Variants in DLGAP2 observed in about 807,000 individuals in gnomAD.
DLGAP2 encodes DLG associated protein 2, also known as disks large-associated protein 2.
A neutral mutation model predicts 100.3 loss-of-function variants in DLGAP2; 26 were observed. The ratio of observed to expected loss-of-function variants is 0.26; its 90% CI spans 0.19 to 0.36. DLGAP2 has a LOEUF of 0.36. DLGAP2 is among the 10% of genes least tolerant of loss of function. The pLI, the probability that DLGAP2 is intolerant of heterozygous loss-of-function variation, is 1.00. For synonymous variants in DLGAP2, 886 were observed against 630.1 expected (o/e 1.41, Z -6.08); for missense variants, 1,858 against 1,453.2 (o/e 1.28, Z -4.53).
chr8:908,685 C>T (rs1798427806), intron 2 of DLGAP2, among the ~76,000 whole-genome samples: 1 of 152,182 alleles, frequency 6.6e-6, no homozygotes, highest in African/African-American at 2.4e-5. Context: ...TGCAAGATTT[C>T]TGATTTATTT....
chr8:1,577,972 A>AC lies in DLGAP2; in HGVS notation c.1442+12079dup, dbSNP rs1254719172. ...AAATCTGCATTAATGTAATCTGATAACGTTTTGTTGGTAAATTACGTAGAC... is the reference window on the plus strand; with the variant it reads ...AAATCTGCATTAATGTAATCTGATAACCGTTTTGTTGGTAAATTACGTAGAC... On this transcript the variant is annotated intron_variant, in intron 6 of 14. Coordinates refer to ENST00000637795, the MANE Select transcript of DLGAP2 (RefSeq NM_001346810.2). 3.3e-5 allele frequency among the ~76,000 whole-genome samples: 5 copies of AC among 152,352 alleles called. No homozygotes were observed. The East Asian group carries it at 9.6e-4, about 29-fold the overall frequency.
At chr8:1,073,064 C>A (rs1803484701) in intron 2 of DLGAP2, among the ~76,000 whole-genome samples, 1 of 152,210 alleles carries the variant, frequency 6.6e-6, no homozygotes, top group Admixed American at 6.5e-5. Context: ...TAGCACCGTG[C>A]TTTACCCAAG....
At chr8:1,637,405 A>G (rs1563272180) in intron 8 of DLGAP2, among the ~76,000 whole-genome samples, 1 of 152,062 alleles carries the variant, frequency 6.6e-6, no homozygotes, top group Admixed American at 6.6e-5. Flanking sequence ...AAATAGGCTC[A>G]GAAACTGTTG....
At chr8:1,411,334 T>C (rs1034868432) in intron 3 of DLGAP2, among the ~76,000 whole-genome samples, 1 of 152,228 alleles carries the variant, frequency 6.6e-6, no homozygotes, top group Non-Finnish European at 1.5e-5. Context: ...AAAAATCTTA[T>C]ATGGTTTTGA....
intron 3 of DLGAP2, among the ~76,000 whole-genome samples, chr8:1,372,219 ACGC>A: frequency 1.2e-5 from 1 of 83,646 alleles, no homozygotes; most frequent in Non-Finnish European, 2.8e-5. Flanking sequence ...CAACGCTGGG[ACGC>A]TGGTCACCGT....
intron 4 of DLGAP2, among the ~76,000 whole-genome samples, chr8:1,544,478 G>T (rs1246586935): frequency 6.6e-6 from 1 of 152,138 alleles, no homozygotes; most frequent in Non-Finnish European, 1.5e-5. Context: ...CCATTATCAT[G>T]TTGGGGAAGT....
At chr8:1,686,152 C>T (rs1799109118) in intron 12 of DLGAP2, among the ~76,000 whole-genome samples, 1 of 152,012 alleles carries the variant, frequency 6.6e-6, no homozygotes, top group African/African-American at 2.4e-5. Flanking sequence ...TCATGTTAGC[C>T]AAGATATGGA....
chr8:1,287,788 T>C (rs1799974151), intron 3 of DLGAP2, among the ~76,000 whole-genome samples: 3 of 109,556 alleles, frequency 2.7e-5, no homozygotes, highest in South Asian at 6.0e-4. Flanking sequence ...TGTCTGTGTG[T>C]ATGTGTGTGT....
intron 4 of DLGAP2, among the ~76,000 whole-genome samples, chr8:1,521,207 C>CA (rs544607128): frequency 2.0e-4 from 16 of 81,620 alleles, no homozygotes; most frequent in South Asian, 6.8e-4. Context: ...TTGGAATACT[C>CA]GGGGGCAGGT....
chr8:1,470,279 G>A (rs932775212), intron 3 of DLGAP2, among the ~76,000 whole-genome samples: 3 of 152,148 alleles, frequency 2.0e-5, no homozygotes, highest in East Asian at 1.9e-4. Context: ...CTGGCAGCCA[G>A]GTGCTCCATC....
chr8:1,584,353 A>G (rs1422179071), intron 6 of DLGAP2, among the ~76,000 whole-genome samples: 4 of 152,206 alleles, frequency 2.6e-5, no homozygotes, highest in Non-Finnish European at 2.9e-5. Flanking sequence ...TTTAGGTTCT[A>G]TTAGTCAAAA....
chr8:1,223,074 G>A (rs1007503147), intron 2 of DLGAP2, among the ~76,000 whole-genome samples: 2 of 152,186 alleles, frequency 1.3e-5, no homozygotes, highest in East Asian at 1.9e-4. Flanking sequence ...TCAGAGGTCT[G>A]TGGGGGTCAT....
intron 2 of DLGAP2, among the ~76,000 whole-genome samples, chr8:1,025,116 G>T (rs768258315): frequency 6.6e-6 from 1 of 151,760 alleles, no homozygotes; most frequent in East Asian, 1.9e-4. Flanking sequence ...ATGTGTGTGC[G>T]TGCATGTGCG....
At chr8:802,435 T>G (rs1442521358) in intron 1 of DLGAP2, among the ~76,000 whole-genome samples, 1 of 152,226 alleles carries the variant, frequency 6.6e-6, no homozygotes, top group African/African-American at 2.4e-5. Flanking sequence ...ATCTCCACCC[T>G]GGGGTGGCCT....
intron 2 of DLGAP2, among the ~76,000 whole-genome samples, chr8:1,162,376 C>T (rs753865412): frequency 2.6e-5 from 4 of 152,102 alleles, no homozygotes; most frequent in Non-Finnish European, 5.9e-5. Flanking sequence ...GTGGTGGAGA[C>T]GTCTTAGGTA....
At chr8:1,373,386 G>C (rs1286770785) in intron 3 of DLGAP2, among the ~76,000 whole-genome samples, 1 of 152,078 alleles carries the variant, frequency 6.6e-6, no homozygotes, top group Non-Finnish European at 1.5e-5. Context: ...CAGACGCAGA[G>C]CCCTGTGCCG....
intron 3 of DLGAP2, among the ~76,000 whole-genome samples, chr8:1,283,493 A>G (rs529610558): frequency 1.3e-5 from 2 of 152,364 alleles, no homozygotes; most frequent in African/African-American, 4.8e-5. Flanking sequence ...GCTCTGCTGA[A>G]AAGATGAATC....
intron 2 of DLGAP2, among the ~76,000 whole-genome samples, chr8:1,239,939 C>G (rs1450872738): frequency 1.4e-5 from 2 of 145,154 alleles, no homozygotes; most frequent in Non-Finnish European, 3.0e-5. Context: ...CTAGTTCTCT[C>G]ACATGTTGCC....
At chr8:973,970 G>C (rs941796223) in intron 2 of DLGAP2, among the ~76,000 whole-genome samples, 1 of 151,618 alleles carries the variant, frequency 6.6e-6, no homozygotes, top group Non-Finnish European at 1.5e-5. Flanking sequence ...CGGGCCACTC[G>C]GTCGCCAGAA....
Sources: gnomAD v4.1 joint callset for allele counts (sites outside exome capture counted in the v4.1 genomes callset) on GRCh38, gnomAD v4.1.1 for gene constraint, MANE v1.5 for transcripts, NCBI Gene and HGNC (gene_info 2026-07-23, HGNC 2026-07-21) for gene names.